Variants in RBM6 observed in about 807,000 individuals in gnomAD.
The protein encoded by RBM6 is RNA-binding protein 6.
In RBM6, 23 loss-of-function variants were observed where a neutral mutation model predicts 140.4. The observed-to-expected ratio is 0.16, with a 90% CI of 0.12 to 0.23. The LOEUF is 0.23. Ranked by LOEUF, RBM6 falls within the 10% of genes least tolerant of loss-of-function variation. The pLI is 1.00. For missense variants in RBM6, 1,139 were observed against 1,386.7 expected (o/e 0.82, Z 2.84); for synonymous variants, 439 against 475.6 (o/e 0.92, Z 1.00).
intron 5 of RBM6, among the ~76,000 whole-genome samples, chr3:49,998,394 G>A (rs2086181117): frequency 6.6e-6 from 1 of 152,050 alleles, no homozygotes; most frequent in African/African-American, 2.4e-5. Flanking sequence ...TTTTTCTTGC[G>A]GTTCCATTTA....
At chr3:50,073,162 CTG>C (rs1406281270) in intron 19 of RBM6, among the ~76,000 whole-genome samples, 1 of 152,202 alleles carries the variant, frequency 6.6e-6, no homozygotes, top group African/African-American at 2.4e-5. Flanking sequence ...CCTTTATCCC[CTG>C]TGTCCAATTA....
At chr3:49,977,642 G>A (rs1000380334) in intron 5 of RBM6, among the ~76,000 whole-genome samples, 13 of 152,288 alleles carry the variant, frequency 8.5e-5, no homozygotes, top group Middle Eastern at 3.4e-3. Flanking sequence ...TTCCCTATAT[G>A]CATGGAATAG....
At chr3:49,954,591 C>T (rs893163148) in intron 1 of RBM6, among the ~76,000 whole-genome samples, 15 of 151,732 alleles carry the variant, frequency 9.9e-5, no homozygotes, top group Non-Finnish European at 2.1e-4. Context: ...TATTTATAGA[C>T]TCTTAATTCT....
rs115769428 is a variant in RBM6 at position 49,948,353 on chromosome 3, C to G, written c.-67+8128C>G. ...GACCAGCCTAGGCAACATAGTGAAA[C>G]CCCGATTTTACTAAAATACAAAAAT... On this transcript the variant is annotated intron_variant, in intron 1 of 20. Transcript: ENST00000266022. 4.4e-3 allele frequency among the ~76,000 whole-genome samples: 674 copies of G among 152,118 alleles called. 5 individuals are homozygous for G. The highest frequency in any genetic ancestry group is 0.015 in the African/African-American group (623 of 41,490).
intron 5 of RBM6, among the ~76,000 whole-genome samples, chr3:49,984,641 G>A (rs138397226): frequency 0.29 from 26,030 of 89,656 alleles, 2,714 homozygotes; most frequent in African/African-American, 0.38. Context: ...GCATCGCATC[G>A]CATCGCATCG....
intron 8 of RBM6, among the ~76,000 whole-genome samples, chr3:50,055,999 C>T (rs1179339227): frequency 1.3e-5 from 2 of 152,124 alleles, no homozygotes; most frequent in African/African-American, 4.8e-5. Context: ...TTCAGGTAGC[C>T]TTCTGTTTGT....
chr3:50,077,249 A>G lies in RBM6; in HGVS notation c.*116A>G, dbSNP rs1229454730. 1 of 1,173,588 alleles carries G rather than the reference A, an allele frequency of 8.5e-7. No homozygotes were observed. The highest frequency in any genetic ancestry group is 1.6e-5 in the African/African-American group (1 of 61,874). The allele number at this position is 1,173,588 out of a possible 1,614,324, so 72.7% of individuals were successfully genotyped here. A position where few individuals can be genotyped will look rare whatever the true frequency, so the allele number is the denominator to read the frequency against. ...TTTAAATAAACTTTTTTTCAATGTG[A>G]TTATCTTTTTGTTATTTTTTTTTCC... On this transcript the variant is annotated 3_prime_UTR_variant, in exon 21 of 21. Transcript: ENST00000266022.
At chr3:49,956,967 C>CT (rs1159974337) in intron 1 of RBM6, among the ~76,000 whole-genome samples, 1 of 152,044 alleles carries the variant, frequency 6.6e-6, no homozygotes, top group African/African-American at 2.4e-5. Context: ...GCCTGGCCTG[C>CT]TTTTTTAATT....
At chr3:49,940,718 G>A (rs1218489456) in intron 1 of RBM6, 1 of 153,784 alleles carries the variant, frequency 6.5e-6, no homozygotes, top group African/African-American at 2.4e-5. Flanking sequence ...TCGTCGGGGC[G>A]GTAGAACCTG....
chr3:50,065,229 T>TTACC (rs1263166800), intron 16 of RBM6, 103 bp downstream of exon 16: 5 of 815,906 alleles, frequency 6.1e-6, no homozygotes, highest in Non-Finnish European at 9.9e-6. Context: ...TGTTGGTCTT[T>TTACC]TACCTCACTA....
intron 6 of RBM6, among the ~76,000 whole-genome samples, chr3:50,042,444 T>G (rs763399684): frequency 6.6e-6 from 1 of 152,168 alleles, no homozygotes; most frequent in Non-Finnish European, 1.5e-5. Context: ...ATTTTAAGAA[T>G]CCTTGAGGCT....
Position 49,968,633 on chromosome 3 carries a change from G to A in RBM6, c.1208G>A (p.Ser403Asn), listed in dbSNP as rs775839860. 1.2e-6 allele frequency: 2 copies of A among 1,614,060 alleles called. No homozygotes were observed. Among genetic ancestry groups the A allele is most frequent in the Non-Finnish European group, 1.7e-6 (2 of 1,180,050 alleles). ...FLGRQDTDYR[S>N]MEYRDVDHRL... Reference sequence around the variant, plus strand: ...GGGCGGCAAGACACCGATTACAGAAGCATGGAGTACCGTGATGTGGATCAT... The same window carrying A: ...GGGCGGCAAGACACCGATTACAGAAACATGGAGTACCGTGATGTGGATCAT... The change falls in exon 3 of 21, where the codon AGC (serine) becomes AAC (asparagine). Residue 403 changes from serine (S) to asparagine (N), a missense_variant. This residue lies in a region of RBM6 where 566 missense variants were observed against 612.7 expected (regional missense o/e 0.92). Coordinates refer to ENST00000266022, the MANE Select transcript of RBM6 (RefSeq NM_005777.3).
rs777690619 is a variant in RBM6 at position 50,054,364 on chromosome 3, T to C, written c.1662T>C (p.Ser554=). The C allele has an allele frequency of 1.2e-6, 2 of 1,613,400 alleles. No individual in the cohort carries two copies. Among genetic ancestry groups the C allele is most frequent in the Admixed American group, 3.3e-5 (2 of 60,018 alleles). The change falls in exon 8 of 21, where the codon TCT becomes TCC. Residue 554 remains serine, a synonymous_variant. Transcript: ENST00000266022. ...AGGCAAACATTGGTGGGCACCGATC[T>C]TCCTGTTCATTCTGCAAGAACCCAA... The part of the protein sequence containing the change: ...RCKANIGGHR[S]SCSFCKNPRE...
At chr3:50,064,957 C>A in intron 15 of RBM6, 74 bp from the exon 16 acceptor site, 1 of 1,288,438 alleles carries the variant, frequency 7.8e-7, no homozygotes, top group Non-Finnish European at 1.1e-6. Context: ...TAGGCGTGAG[C>A]CACCGCACCC....
rs747897184 is a variant in RBM6 at position 50,048,338 on chromosome 3, T to C, written c.1632+19T>C. 3.1e-6 allele frequency: 5 copies of C among 1,607,362 alleles called. No homozygotes were observed. In the South Asian group the frequency reaches 5.5e-5, roughly 18 times the overall value. On this transcript the variant is annotated intron_variant, in intron 7 of 20. Transcript: ENST00000266022. ...CAAACGAGTAAGTACCAAGAATCCC[T>C]TTCTTTAGAAGTAAGTATCTGGAAT...
At chr3:49,968,778 T>TTA in intron 3 of RBM6, 30 bp downstream of exon 3, 5 of 900,212 alleles carry the variant, frequency 5.6e-6, no homozygotes, top group Non-Finnish European at 7.9e-6. Flanking sequence ...TGCTTTTTTT[T>TTA]TTTTTTTTTT....
intron 6 of RBM6, among the ~76,000 whole-genome samples, chr3:50,013,982 A>G (rs1274206785): frequency 6.6e-6 from 1 of 152,142 alleles, no homozygotes; most frequent in Non-Finnish European, 1.5e-5. Context: ...GCTGCTAAAC[A>G]TCCTACAGTG....
At chr3:50,035,316 A>G (rs997952535) in intron 6 of RBM6, among the ~76,000 whole-genome samples, 6 of 152,102 alleles carry the variant, frequency 3.9e-5, no homozygotes, top group Admixed American at 1.3e-4. Flanking sequence ...GCACCAACAC[A>G]TAGCCTTTCA....
At chr3:49,958,283 C>T (rs1346909037) in intron 1 of RBM6, among the ~76,000 whole-genome samples, 1 of 148,458 alleles carries the variant, frequency 6.7e-6, no homozygotes, top group East Asian at 2.2e-4. Context: ...AGGCCGGGTG[C>T]GGTGGCTCAC....
Sources: allele counts gnomAD v4.1 joint callset (sites outside exome capture counted in the v4.1 genomes callset), GRCh38; gene constraint gnomAD v4.1.1; regional missense constraint gnomAD v4.1.1; transcripts MANE v1.5; gene names NCBI Gene and HGNC (gene_info 2026-07-23, HGNC 2026-07-21).